The following EML4 variants were observed in gnomAD, a reference collection of about 807,000 sequenced individuals.
The protein encoded by EML4 is EMAP like 4, also known as echinoderm microtubule-associated protein-like 4.
A neutral mutation model predicts 129.0 loss-of-function variants in EML4; 72 were observed. The ratio of observed to expected loss-of-function variants is 0.56; its 90% confidence interval spans 0.46 to 0.68. The LOEUF is 0.68. Among genes scored for constraint, EML4 ranks in the 30% least tolerant of loss-of-function variants. The pLI, the probability that EML4 is intolerant of heterozygous loss-of-function variation, is 0.00. For missense variants in EML4, 1,363 were observed against 1,190.6 expected, an observed-to-expected ratio of 1.14 and a Z score of -2.13; for synonymous variants, 532 against 405.0, an observed-to-expected ratio of 1.31 and a Z score of -3.77.
At chr2:42,318,078 G>A (rs1044758823) in intron 19 of EML4, among the ~76,000 whole-genome samples, 3 of 152,196 alleles carry the variant, frequency 2.0e-5, no homozygotes, top group African/African-American at 7.2e-5. Context: ...TGAATGTACA[G>A]CAGGTATTCC....
intron 1 of EML4, among the ~76,000 whole-genome samples, chr2:42,202,526 A>G (rs10185742): frequency 0.13 from 20,104 of 152,170 alleles, 1,326 homozygotes; most frequent in East Asian, 0.18. Flanking sequence ...AGGTTTCACA[A>G]TAGGCCATCT....
intron 1 of EML4, among the ~76,000 whole-genome samples, chr2:42,171,446 C>CT (rs1372333033): frequency 6.6e-6 from 1 of 152,200 alleles, no homozygotes; most frequent in African/African-American, 2.4e-5. Flanking sequence ...AGTTGGGGCA[C>CT]TTAATGTTTA....
At chr2:42,285,092 A>ATG (rs1667214753) in intron 9 of EML4, among the ~76,000 whole-genome samples, 3 of 133,478 alleles carry the variant, frequency 2.2e-5, no homozygotes, top group African/African-American at 8.7e-5. Flanking sequence ...AATTAATTAT[A>ATG]GGGGTGGAAT....
At chr2:42,201,349 G>T (rs1457833358) in intron 1 of EML4, among the ~76,000 whole-genome samples, 3 of 152,168 alleles carry the variant, frequency 2.0e-5, no homozygotes, top group Admixed American at 1.3e-4. Context: ...GGAAACTAAG[G>T]GATGAGTTAA....
chr2:42,257,025 G>C (rs761390073), intron 3 of EML4, among the ~76,000 whole-genome samples: 3 of 152,248 alleles, frequency 2.0e-5, no homozygotes, highest in Non-Finnish European at 2.9e-5. Context: ...ATGTTAGTGG[G>C]AGGTCAAATG....
intron 17 of EML4, 140 bp downstream of exon 17, chr2:42,304,691 T>C: frequency 1.5e-6 from 1 of 673,578 alleles, no homozygotes; most frequent in South Asian, 1.9e-5. Context: ...GTTTTGTATA[T>C]TCATAGAATT....
At chr2:42,214,501 G>T (rs543033851) in intron 1 of EML4, among the ~76,000 whole-genome samples, 1 of 151,802 alleles carries the variant, frequency 6.6e-6, no homozygotes, top group East Asian at 1.9e-4. Flanking sequence ...GAAGGATTTG[G>T]GCTAAATATT....
At chr2:42,221,769 A>G (rs1181329442) in intron 1 of EML4, among the ~76,000 whole-genome samples, 1 of 151,712 alleles carries the variant, frequency 6.6e-6, no homozygotes, top group Non-Finnish European at 1.5e-5. Context: ...ACACCCAGCT[A>G]GTTTTTGTAT....
At chr2:42,310,974 C>A (rs914509310) in intron 17 of EML4, among the ~76,000 whole-genome samples, 2 of 152,024 alleles carry the variant, frequency 1.3e-5, no homozygotes, top group Non-Finnish European at 2.9e-5. Flanking sequence ...TGAATTACTA[C>A]TAAAAATGAT....
At chr2:42,216,203 G>A (rs1673174747) in intron 1 of EML4, among the ~76,000 whole-genome samples, 1 of 133,746 alleles carries the variant, frequency 7.5e-6, no homozygotes, top group Non-Finnish European at 1.6e-5. Context: ...GGGATTACAA[G>A]CATGAGCTAC....
intron 1 of EML4, 118 bp from the exon 2 acceptor site, chr2:42,245,387 C>A: frequency 1.0e-6 from 1 of 970,014 alleles, no homozygotes; most frequent in Non-Finnish European, 1.5e-6. Flanking sequence ...CGAGCCACTT[C>A]ACCTAGCCAG....
intron 2 of EML4, among the ~76,000 whole-genome samples, chr2:42,246,217 C>G (rs1335292183): frequency 6.6e-6 from 1 of 152,136 alleles, no homozygotes; most frequent in East Asian, 1.9e-4. Context: ...AAGGTTGAGA[C>G]AAACAGTCGT....
chr2:42,266,934 G>C (rs1302548266), intron 6 of EML4, among the ~76,000 whole-genome samples: 1 of 152,182 alleles, frequency 6.6e-6, no homozygotes, highest in African/African-American at 2.4e-5. Flanking sequence ...GTGTGGAAAA[G>C]GAGTTTGGCT....
chr2:42,304,861 G>A (rs1014866744), intron 17 of EML4, among the ~76,000 whole-genome samples: 1 of 152,192 alleles, frequency 6.6e-6, no homozygotes, highest in African/African-American at 2.4e-5. Flanking sequence ...GCCAGGCACA[G>A]TAATCCCAGC....
At chr2:42,323,561 G>A (rs1051916812) in intron 19 of EML4, among the ~76,000 whole-genome samples, 1 of 152,038 alleles carries the variant, frequency 6.6e-6, no homozygotes, top group Admixed American at 6.6e-5. Context: ...ACTTCAGAAG[G>A]GTACTAAAAG....
intron 14 of EML4, 108 bp from the exon 15 acceptor site, chr2:42,302,996 G>A (rs1224388948): frequency 2.8e-6 from 3 of 1,081,360 alleles, no homozygotes; most frequent in African/African-American, 3.2e-5. Flanking sequence ...CCAAATTTGG[G>A]CTTTCGTCAT....
chr2:42,169,634 T>C lies in EML4; in HGVS notation c.23T>C (p.Leu8Pro), dbSNP rs1035599791. The C allele has an allele frequency of 1.9e-6, 3 of 1,602,580 alleles. No homozygotes were observed. Among genetic ancestry groups the C allele is most frequent in the East Asian group, 4.6e-5 (2 of 43,754 alleles). ...AAGATGGACGGTTTCGCCGGCAGTC[T>C]CGGTGAGTACGGCTGGGGAGTCCTG... is the stretch of plus-strand genomic sequence containing the variant. MDGFAGS[L>P]DDSISAASTS... The change falls in exon 1 of 23, where the codon CTC (leucine) becomes CCC (proline). Residue 8 changes from leucine to proline, a missense_variant and splice_region_variant. Leu to Pro is a moderately conservative substitution (Grantham distance 98, BLOSUM62 -3). Coordinates refer to ENST00000318522, the MANE Select transcript of EML4 (RefSeq NM_019063.5).
At chr2:42,177,650 CATT>C (rs1352371129) in intron 1 of EML4, among the ~76,000 whole-genome samples, 2 of 152,070 alleles carry the variant, frequency 1.3e-5, no homozygotes, top group African/African-American at 2.4e-5. Context: ...AACAAAAACT[CATT>C]ATGTTCTTAT....
intron 1 of EML4, 137 bp from the exon 2 acceptor site, chr2:42,245,368 G>C (rs931590424): frequency 1.3e-5 from 10 of 748,220 alleles, no homozygotes; most frequent in Non-Finnish European, 2.1e-5. Context: ...AGTTCTGGAA[G>C]TACAGGCACG....
Sources: gnomAD v4.1 joint callset for allele counts (sites outside exome capture counted in the v4.1 genomes callset) on GRCh38, gnomAD v4.1.1 for gene constraint, MANE v1.5 for transcripts, NCBI Gene and HGNC (gene_info 2026-07-23, HGNC 2026-07-21) for gene names.